The following CACNG5 variants were observed in gnomAD, a reference collection of about 807,000 sequenced individuals.
CACNG5 encodes calcium voltage-gated channel auxiliary subunit gamma 5, also known as voltage-dependent calcium channel gamma-5 subunit.
CACNG5 carries 18 observed loss-of-function variants against 24.8 expected under a neutral mutation model. The ratio of observed to expected loss-of-function variants is 0.73; its 90% CI spans 0.50 to 1.08. CACNG5 has a LOEUF of 1.08. CACNG5 is among the 50% of genes least tolerant of loss of function. CACNG5 has a pLI of 0.00. For synonymous variants in CACNG5, 157 were observed against 149.1 expected (o/e 1.05, Z -0.39); for missense variants, 349 against 367.9 (o/e 0.95, Z 0.42).
chr17:66,838,323 G>A (rs188073686), intron 1 of CACNG5, among the ~76,000 whole-genome samples: 3 of 151,654 alleles, frequency 2.0e-5, no homozygotes, highest in East Asian at 2.0e-4. Context: ...AGCAGAGTTC[G>A]GCTGGGATCA....
chr17:66,864,679 T>G (rs1976906421), intron 1 of CACNG5, among the ~76,000 whole-genome samples: 1 of 152,242 alleles, frequency 6.6e-6, no homozygotes, highest in South Asian at 2.1e-4. Flanking sequence ...TCAAACTGTT[T>G]TAATTTTTGT....
intron 1 of CACNG5, among the ~76,000 whole-genome samples, chr17:66,873,606 A>G (rs1334786910): frequency 1.3e-5 from 2 of 152,218 alleles, no homozygotes; most frequent in Non-Finnish European, 2.9e-5. Flanking sequence ...TCTCTCTGCA[A>G]GACTCAGGGG....
intron 1 of CACNG5, among the ~76,000 whole-genome samples, chr17:66,862,288 T>C (rs1439075668): frequency 1.3e-5 from 2 of 152,104 alleles, no homozygotes; most frequent in East Asian, 3.9e-4. Context: ...TCTTCATAGG[T>C]ACAGGTGTTG....
At chr17:66,884,423 T>A in intron 4 of CACNG5, 93 bp from the exon 5 acceptor site, 1 of 1,363,052 alleles carries the variant, frequency 7.3e-7, no homozygotes, top group Non-Finnish European at 1.0e-6. Flanking sequence ...GCTGGTGGCT[T>A]TGCTCCTGAA....
chr17:66,874,578 G>C (rs1007590208), intron 1 of CACNG5, among the ~76,000 whole-genome samples: 1 of 152,140 alleles, frequency 6.6e-6, no homozygotes, highest in South Asian at 2.1e-4. Flanking sequence ...AGTCTTCGAG[G>C]GTGAGAACTC....
At chr17:66,880,723 G>A in intron 4 of CACNG5, 26 bp downstream of exon 4, 1 of 1,606,984 alleles carries the variant, frequency 6.2e-7, no homozygotes, top group Non-Finnish European at 8.5e-7. Context: ...TTCTTTTCTT[G>A]CACCCTGGAA....
At chr17:66,860,123 A>G (rs1430819967) in intron 1 of CACNG5, among the ~76,000 whole-genome samples, 1 of 152,210 alleles carries the variant, frequency 6.6e-6, no homozygotes, top group Non-Finnish European at 1.5e-5. Context: ...ATTCTGTCCA[A>G]GCTTACCTAT....
At chr17:66,842,646 A>C (rs1422140165) in intron 1 of CACNG5, among the ~76,000 whole-genome samples, 1 of 152,192 alleles carries the variant, frequency 6.6e-6, no homozygotes, top group African/African-American at 2.4e-5. Context: ...GGCAGGACCC[A>C]CAGCTCTTGC....
intron 1 of CACNG5, among the ~76,000 whole-genome samples, chr17:66,844,577 A>G (rs915554070): frequency 2.0e-5 from 3 of 152,168 alleles, no homozygotes; most frequent in Non-Finnish European, 4.4e-5. Context: ...TATTGTCTGA[A>G]TGAGGCTCAG....
intron 1 of CACNG5, among the ~76,000 whole-genome samples, chr17:66,863,576 AG>A (rs1355436503): frequency 6.6e-6 from 1 of 152,184 alleles, no homozygotes; most frequent in Non-Finnish European, 1.5e-5. Flanking sequence ...CATGTTGACC[AG>A]GCTGGTCTCA....
chr17:66,884,427 T>A, intron 4 of CACNG5, 89 bp from the exon 5 acceptor site: 1 of 1,393,990 alleles, frequency 7.2e-7, no homozygotes, highest in Non-Finnish European at 9.8e-7. Context: ...GTGGCTTTGC[T>A]CCTGAATTGC....
In CACNG5 at chr17:66,889,048, C is replaced by T. The variant is rs1318565263; in HGVS notation, c.*3808C>T. ...TGATCTCGGCTCACTGCAACCTCTG[C>T]TTCCTGGGCTCAAGCAATTCTCCTG... On this transcript the variant is annotated 3_prime_UTR_variant, in exon 6 of 6. Transcript: ENST00000533854. Among the ~76,000 whole-genome samples the T allele has an allele frequency of 6.6e-6, 1 of 151,524 alleles. No individual in the cohort carries two copies. Among genetic ancestry groups the T allele is most frequent in the Non-Finnish European group, 1.5e-5 (1 of 67,818 alleles).
rs1311907443 is a variant in CACNG5, at chr17:66,893,167, T to C, written c.*7927T>C. Among the ~76,000 whole-genome samples, 4 of 152,132 alleles carry C rather than the reference T, an allele frequency of 2.6e-5. No individual in the cohort carries two copies. The East Asian group carries it at 7.7e-4, about 29-fold the overall frequency. On this transcript the variant is annotated 3_prime_UTR_variant, in exon 6 of 6. Transcript: ENST00000533854. ...TATTTGCACTGCTCTGCTCTGCAAG[T>C]CCTGTTTCAAGTGCACCCCCAAGAG...
intron 1 of CACNG5, among the ~76,000 whole-genome samples, 162 bp from the exon 2 acceptor site, chr17:66,877,068 G>A (rs1359101790): frequency 6.6e-6 from 1 of 152,172 alleles, no homozygotes; most frequent in East Asian, 1.9e-4. Context: ...TCCTTGCAGT[G>A]GCATGCCAAG....
At chr17:66,862,900 G>C (rs1030899403) in intron 1 of CACNG5, among the ~76,000 whole-genome samples, 1,354 of 58,064 alleles carry the variant, frequency 0.023, 11 homozygotes, top group East Asian at 0.11. Context: ...CTCTGTGTGT[G>C]TGTGTGTGTG....
At position 66,877,358 on chromosome 17, in the gene CACNG5, T is replaced by C; in HGVS notation, c.26T>C (p.Leu9Pro). The change falls in exon 2 of 6, where the codon CTG becomes CCG. Residue 9 changes from leucine (L) to proline (P), a missense_variant. Coordinates refer to ENST00000533854, the MANE Select transcript of CACNG5 (RefSeq NM_145811.3). MSACGRKA[L>P]TLLSSVFAVC... The stretch of plus-strand genomic sequence containing the variant: ...ATGAGTGCCTGCGGGAGGAAGGCCC[T>C]GACCCTGCTGAGCAGTGTCTTTGCT... 6.2e-7 allele frequency: 1 copy of C among 1,614,130 alleles called. No homozygotes were observed. The highest frequency in any genetic ancestry group is 8.5e-7 in the Non-Finnish European group (1 of 1,179,988).
chr17:66,845,234 T>G (rs949881102), intron 1 of CACNG5, among the ~76,000 whole-genome samples: 2 of 150,890 alleles, frequency 1.3e-5, no homozygotes, highest in East Asian at 3.9e-4. Context: ...TAAGCGGGAG[T>G]TGAACAATGA....
At chr17:66,843,847 A>G (rs1420287274) in intron 1 of CACNG5, among the ~76,000 whole-genome samples, 2 of 152,022 alleles carry the variant, frequency 1.3e-5, no homozygotes, top group Non-Finnish European at 1.5e-5. Context: ...CAGTGTTGCA[A>G]TTGCTCTCAC....
chr17:66,876,171 C>T (rs1423066003), intron 1 of CACNG5, among the ~76,000 whole-genome samples: 1 of 152,150 alleles, frequency 6.6e-6, no homozygotes, highest in Non-Finnish European at 1.5e-5. Flanking sequence ...CTTTGAGTAG[C>T]GAAGATCAGT....
Sources: allele counts gnomAD v4.1 joint callset (sites outside exome capture counted in the v4.1 genomes callset), GRCh38; gene constraint gnomAD v4.1.1; transcripts MANE v1.5; gene names NCBI Gene and HGNC (gene_info 2026-07-23, HGNC 2026-07-21).